FOXP2: variants seen among roughly 807,000 people sequenced by gnomAD.
The protein encoded by FOXP2 is forkhead box P2.
A neutral mutation model predicts 115.8 loss-of-function variants in FOXP2; 12 were observed. That is an observed-to-expected ratio of 0.10 (90% CI 0.07 to 0.17). The LOEUF is 0.17. FOXP2 is among the 10% of genes least tolerant of loss of function. FOXP2 has a pLI of 1.00. For synonymous variants in FOXP2, 328 were observed against 297.7 expected (o/e 1.10, Z -1.05); for missense variants, 629 against 843.5 (o/e 0.75, Z 3.15).
At chr7:114,465,565 T>G (rs998096930) in intron 2 of FOXP2, among the ~76,000 whole-genome samples, 1 of 152,194 alleles carries the variant, frequency 6.6e-6, no homozygotes, top group South Asian at 2.1e-4. Context: ...CAGAGTATTC[T>G]AAAGGGTTAG....
intron 1 of FOXP2, among the ~76,000 whole-genome samples, chr7:114,147,207 T>C (rs953028851): frequency 6.6e-6 from 1 of 152,164 alleles, no homozygotes; most frequent in African/African-American, 2.4e-5. Flanking sequence ...GTTATAGGGA[T>C]CAAATAGATT....
At chr7:114,353,148 C>A (rs1244518208) in intron 2 of FOXP2, among the ~76,000 whole-genome samples, 1 of 152,088 alleles carries the variant, frequency 6.6e-6, no homozygotes, top group Admixed American at 6.6e-5. Context: ...CCTATCATGG[C>A]ATGACAGATA....
chr7:114,314,989 C>T lies in FOXP2; in HGVS notation c.-11+26880C>T, dbSNP rs115781316. Among the ~76,000 whole-genome samples the T allele has an allele frequency of 1.5e-3, 232 of 152,276 alleles. 1 individual carries two copies. The highest frequency in any genetic ancestry group is 5.3e-3 in the African/African-American group (219 of 41,548). On this transcript the variant is annotated intron_variant, in intron 2 of 17. Coordinates refer to the FOXP2 transcript ENST00000634411. The stretch of plus-strand genomic sequence containing the variant: ...GAAAGAAAAAAAAGTGGTTCTAAAA[C>T]GATAAGCACCACCTTTAAGCATTCT...
rs534621384 is a variant in FOXP2 at position 114,529,406 on chromosome 7, T to C, written c.169-5211T>C. 2.6e-5 allele frequency among the ~76,000 whole-genome samples: 4 copies of C among 152,008 alleles called. No individual in the cohort carries two copies. In the South Asian group the frequency reaches 8.3e-4, roughly 32 times the overall value. On this transcript the variant is annotated intron_variant, in intron 2 of 16. Coordinates refer to ENST00000350908, the MANE Select transcript of FOXP2 (RefSeq NM_014491.4). ...ACACATTCAATACCCTGATTGTCTCTCCTTTGGCTCTACATCATAAGATAT... is the reference window on the plus strand; with the variant it reads ...ACACATTCAATACCCTGATTGTCTCCCCTTTGGCTCTACATCATAAGATAT...
intron 1 of FOXP2, among the ~76,000 whole-genome samples, chr7:114,277,009 C>T (rs563220428): frequency 6.6e-6 from 1 of 151,972 alleles, no homozygotes; most frequent in Non-Finnish European, 1.5e-5. Flanking sequence ...ATGGTATATA[C>T]AGCATTAAGA....
intron 3 of FOXP2, among the ~76,000 whole-genome samples, chr7:114,555,820 C>G (rs775402395): frequency 6.6e-6 from 1 of 151,874 alleles, no homozygotes; most frequent in Non-Finnish European, 1.5e-5. Flanking sequence ...AAAAAACAAA[C>G]AAAAAGATAG....
intron 1 of FOXP2, among the ~76,000 whole-genome samples, chr7:114,201,544 T>G (rs12533556): frequency 6.6e-6 from 1 of 151,992 alleles, no homozygotes; most frequent in Non-Finnish European, 1.5e-5. Context: ...GAATTGATCA[T>G]TTTACTGATA....
chr7:114,326,545 G>T (rs2129182191), intron 2 of FOXP2, among the ~76,000 whole-genome samples: 1 of 152,282 alleles, frequency 6.6e-6, no homozygotes, highest in Middle Eastern at 3.4e-3. Context: ...CCTAGTACTT[G>T]TTTGAGGGCA....
chr7:114,675,865 A>T (rs1202366915), intron 16 of FOXP2, among the ~76,000 whole-genome samples: 1 of 151,728 alleles, frequency 6.6e-6, no homozygotes, highest in African/African-American at 2.4e-5. Context: ...GGTAAAAAAG[A>T]ATTCATAGGA....
At chr7:114,395,883 A>C (rs1010206205) in intron 2 of FOXP2, among the ~76,000 whole-genome samples, 1 of 151,516 alleles carries the variant, frequency 6.6e-6, no homozygotes, top group African/African-American at 2.4e-5. Context: ...TTTTAAAAAA[A>C]TTTTTTCTAA....
chr7:114,594,483 G>C (rs930846419), intron 3 of FOXP2, among the ~76,000 whole-genome samples: 2 of 152,070 alleles, frequency 1.3e-5, no homozygotes, highest in African/African-American at 4.8e-5. Flanking sequence ...GAGCAGGGAA[G>C]TATACTGACT....
intron 1 of FOXP2, among the ~76,000 whole-genome samples, chr7:114,165,572 A>G (rs1487836625): frequency 3.3e-5 from 5 of 152,216 alleles, no homozygotes; most frequent in Non-Finnish European, 7.3e-5. Context: ...TAAAATATGT[A>G]TAAGATCAAT....
intron 3 of FOXP2, among the ~76,000 whole-genome samples, chr7:114,617,574 A>G (rs1160342302): frequency 6.6e-6 from 1 of 152,196 alleles, no homozygotes; most frequent in African/African-American, 2.4e-5. Context: ...CGGGTGGATC[A>G]CCTGAGGTCA....
rs894155610 is a variant in FOXP2 at position 114,631,403 on chromosome 7, C to T, written c.598-125C>T. ...AACTTACTCACATTCTGCCCCTGAA[C>T]TTTGACTATGGGATGACCAAAAAAC... is the stretch of plus-strand genomic sequence containing the variant. On this transcript the variant is annotated intron_variant, in intron 5 of 16. Transcript: ENST00000350908. 9.3e-6 allele frequency: 14 copies of T among 1,498,484 alleles called. No individual in the cohort carries two copies. The African/African-American group carries it at 1.2e-4, about 13-fold the overall frequency. The allele number at this position is 1,498,484 out of a possible 1,614,324, so 92.8% of individuals were successfully genotyped here.
At chr7:114,225,558 C>T (rs188190261) in intron 1 of FOXP2, among the ~76,000 whole-genome samples, 7 of 152,178 alleles carry the variant, frequency 4.6e-5, no homozygotes, top group African/African-American at 1.7e-4. Context: ...AATTCTCCTG[C>T]CTCAGTCTCC....
intron 2 of FOXP2, among the ~76,000 whole-genome samples, chr7:114,359,692 A>G (rs1191557543): frequency 2.0e-5 from 3 of 152,226 alleles, no homozygotes; most frequent in East Asian, 3.9e-4. Context: ...ATTTGACTGC[A>G]GCACTGGATT....
rs1584563417 is a variant in FOXP2 at position 114,232,551 on chromosome 7, T to G, written c.-101-55468T>G. On this transcript the variant is annotated intron_variant, in intron 1 of 17. Coordinates refer to the FOXP2 transcript ENST00000634411. ...TTAGCAGGCCCGGCAGGGTGGCTCA[T>G]GCCTGTAATCCCAGCACTTTGGGAG... Among the ~76,000 whole-genome samples, 4 of 152,152 alleles carry G rather than the reference T, an allele frequency of 2.6e-5. No homozygotes were observed. The South Asian group carries it at 8.3e-4, about 32-fold the overall frequency.
At position 114,648,934 on chromosome 7, in the gene FOXP2, G is replaced by A. The variant is rs142650647; in HGVS notation, c.1095-3269G>A. 3.9e-3 allele frequency among the ~76,000 whole-genome samples: 598 copies of A among 152,030 alleles called. 7 individuals are homozygous for A. The highest frequency in any genetic ancestry group is 0.014 in the African/African-American group (574 of 41,484). ...CAGTCTCGGTAAGAGGCTCATTAGG[G>A]GACATTAGGGACTGGAGCTAACCAG... On this transcript the variant is annotated intron_variant, in intron 8 of 16. Transcript: ENST00000350908.
At chr7:114,524,227 T>A (rs1052496413) in intron 2 of FOXP2, among the ~76,000 whole-genome samples, 1 of 152,152 alleles carries the variant, frequency 6.6e-6, no homozygotes, top group Non-Finnish European at 1.5e-5. Context: ...TAGTGCTTAA[T>A]AATTTCAGAG....
Sources: gnomAD v4.1 joint callset for allele counts (sites outside exome capture counted in the v4.1 genomes callset) on GRCh38, gnomAD v4.1.1 for gene constraint, MANE v1.5 for transcripts, NCBI Gene and HGNC (gene_info 2026-07-23, HGNC 2026-07-21) for gene names.